NBPF11: variants seen among roughly 807,000 people sequenced by gnomAD.
The protein encoded by NBPF11 is NBPF family member NBPF11.
In NBPF11, 72 loss-of-function variants were observed where a neutral mutation model predicts 93.9. The observed-to-expected ratio is 0.77, with a 90% confidence interval of 0.63 to 0.93. The LOEUF is 0.93. Among genes scored for constraint, NBPF11 ranks in the 40% least tolerant of loss-of-function variants. The pLI is 0.00. For missense variants in NBPF11, 705 were observed against 802.2 expected (o/e 0.88, Z 1.46); for synonymous variants, 224 against 304.9 (o/e 0.73, Z 2.76).
At chr1:148,150,734 T>C (rs1210718698) in intron 1 of NBPF11, among the ~76,000 whole-genome samples, 29 of 150,906 alleles carry the variant, frequency 1.9e-4, no homozygotes, top group Admixed American at 1.9e-3. Context: ...AAGGCTTTTT[T>C]TTTTTTTTTT....
chr1:148,103,775 T>C lies in NBPF11; in HGVS notation c.*121A>G. 6 of 1,611,776 alleles carry C rather than the reference T, an allele frequency of 3.7e-6. No individual in the cohort carries two copies. In the East Asian group the frequency reaches 6.7e-5, roughly 18 times the overall value. On this transcript the variant is annotated 3_prime_UTR_variant, in exon 24 of 24. Transcript: ENST00000682118. The stretch of plus-strand genomic sequence containing the variant: ...AAGGGCAAAGCTGATGTGCTGTTCC[T>C]CAAATGAGTAAAACACACTTCTGTA...
chr1:148,135,938 G>T (rs1558160989), intron 3 of NBPF11, 125 bp from the exon 4 acceptor site: 1 of 695,844 alleles, frequency 1.4e-6, no homozygotes, highest in South Asian at 1.6e-5. Context: ...GCTCATACTG[G>T]TCACAGGATT....
intron 2 of NBPF11, among the ~76,000 whole-genome samples, chr1:148,138,736 G>A (rs1239875463): frequency 3.7e-4 from 56 of 151,640 alleles, no homozygotes; most frequent in African/African-American, 1.3e-3. Context: ...AGAACAAAAT[G>A]GAGTCTCTTA....
intron 9 of NBPF11, among the ~76,000 whole-genome samples, chr1:148,121,093 G>A (rs1241635784): frequency 1.3e-5 from 2 of 151,700 alleles, no homozygotes; most frequent in African/African-American, 4.9e-5. Context: ...CGCGCAGGCT[G>A]CAGTGCAGAG....
chr1:148,104,398 A>G, intron 23 of NBPF11, 139 bp downstream of exon 23: 3 of 634,082 alleles, frequency 4.7e-6, no homozygotes, highest in Non-Finnish European at 8.3e-6. Flanking sequence ...CATCTACTGC[A>G]ATGAAAACCA....
intron 15 of NBPF11, 113 bp downstream of exon 15, chr1:148,114,324 T>G (rs1425847286): frequency 8.8e-6 from 6 of 680,536 alleles, no homozygotes; most frequent in Non-Finnish European, 1.6e-5. Flanking sequence ...CAGCACAATT[T>G]GTAGCTGGGT....
At chr1:148,151,228 G>A (rs1309070696) in intron 1 of NBPF11, among the ~76,000 whole-genome samples, 1 of 151,962 alleles carries the variant, frequency 6.6e-6, no homozygotes, top group African/African-American at 2.4e-5. Flanking sequence ...CTAGTCATGA[G>A]ATGATTCAGT....
intron 22 of NBPF11, among the ~76,000 whole-genome samples, chr1:148,105,148 GGCC>G (rs1663232625): frequency 1.5e-5 from 2 of 135,802 alleles, no homozygotes; most frequent in Non-Finnish European, 3.1e-5. Context: ...CCACAGGCAT[GGCC>G]TGAGACTAGG....
chr1:148,133,554 A>G (rs1351729592), intron 4 of NBPF11, among the ~76,000 whole-genome samples: 5 of 152,090 alleles, frequency 3.3e-5, no homozygotes, highest in Admixed American at 3.3e-4. Flanking sequence ...AAAAGTTTTC[A>G]ATTTTGCCAA....
chr1:148,127,188 C>T, intron 4 of NBPF11, 150 bp from the exon 5 acceptor site: 3 of 331,778 alleles, frequency 9.0e-6, no homozygotes, highest in Admixed American at 1.3e-4. Flanking sequence ...GGATCCTTCA[C>T]CACAAAAACA....
chr1:148,151,162 C>G (rs1446059241), intron 1 of NBPF11, among the ~76,000 whole-genome samples: 1 of 151,842 alleles, frequency 6.6e-6, no homozygotes, highest in Non-Finnish European at 1.5e-5. Flanking sequence ...ACTGCAAACA[C>G]CAACACCACA....
chr1:148,116,545 C>A lies in NBPF11; in HGVS notation c.1307-10G>T. 1 of 673,346 alleles carries A rather than the reference C, an allele frequency of 1.5e-6. No individual in the cohort carries two copies. Among genetic ancestry groups the A allele is most frequent in the East Asian group, 2.6e-5 (1 of 38,284 alleles). The allele number at this position is 673,346 out of a possible 1,614,324, so 41.7% of individuals were successfully genotyped here. A position where few individuals can be genotyped will look rare whatever the true frequency, so the allele number is the denominator to read the frequency against. ...TCATCGTTATCATTTTCTGTAAATA[C>A]AGAAGTGTTCATTCAGATATTTCCC... On this transcript the variant is annotated splice_polypyrimidine_tract_variant and intron_variant, in intron 12 of 23. Transcript: ENST00000682118.
chr1:148,118,029 C>A (rs1248610167), intron 11 of NBPF11, among the ~76,000 whole-genome samples: 1 of 151,916 alleles, frequency 6.6e-6, no homozygotes, highest in East Asian at 1.9e-4. Flanking sequence ...CTTCTGTAAA[C>A]AAAAGTAGGT....
At position 148,120,583 on chromosome 1, in the gene NBPF11, C is replaced by A; in HGVS notation, c.906G>T (p.Lys302Asn). The change falls in exon 10 of 24, where the codon AAG becomes AAT. Residue 302 changes from lysine (K) to asparagine (N), a missense_variant. By Grantham distance (94) the Lys-to-Asn change is moderately conservative. Transcript: ENST00000682118. ...NEKLCPQLAE[K>N]KQQFRSLKEK... ...CTTTGAGGCTTCTGAACTGCTGTTTCTTCTCTGCCAGCTGGGGGCACAATT... is the reference window on the plus strand; with the variant it reads ...CTTTGAGGCTTCTGAACTGCTGTTTATTCTCTGCCAGCTGGGGGCACAATT... The A allele has an allele frequency of 6.9e-7, 1 of 1,440,670 alleles. No individual in the cohort carries two copies. The highest frequency in any genetic ancestry group is 9.8e-7 in the Non-Finnish European group (1 of 1,023,014). The allele number at this position is 1,440,670 out of a possible 1,614,324, so 89.2% of individuals were successfully genotyped here. A position where few individuals can be genotyped will look rare whatever the true frequency, so the allele number is the denominator to read the frequency against.
At chr1:148,149,144 T>C in intron 1 of NBPF11, 1 of 1,586,116 alleles carries the variant, frequency 6.3e-7, no homozygotes. Context: ...CGGCTGACCC[T>C]GCTCCGGCGC....
At chr1:148,129,322 A>AT (rs1361936508) in intron 4 of NBPF11, among the ~76,000 whole-genome samples, 3 of 145,444 alleles carry the variant, frequency 2.1e-5, no homozygotes, top group South Asian at 4.3e-4. Flanking sequence ...TTATATATAT[A>AT]TTTTTTCTTT....
At chr1:148,129,142 A>C (rs1242298875) in intron 4 of NBPF11, among the ~76,000 whole-genome samples, 3 of 143,994 alleles carry the variant, frequency 2.1e-5, no homozygotes, top group African/African-American at 7.8e-5. Flanking sequence ...TTATATATAC[A>C]CATGTATATA....
rs1571406900 is a variant in NBPF11 at position 148,106,804 on chromosome 1, T to A, written c.2251+138A>T. Reference sequence around the variant, plus strand: ...GCTTCCAGCTGAGACTACAGTTTCATTACAACCTATATGCACCCATAGGTC... The same window carrying A: ...GCTTCCAGCTGAGACTACAGTTTCAATACAACCTATATGCACCCATAGGTC... On this transcript the variant is annotated intron_variant, in intron 20 of 23. Coordinates refer to ENST00000682118, the MANE Select transcript of NBPF11 (RefSeq NM_001385469.3). The A allele has an allele frequency of 8.4e-6, 6 of 710,130 alleles. No homozygotes were observed. The East Asian group carries it at 1.7e-4, about 20-fold the overall frequency. 44.0% of individuals were successfully genotyped at this position (710,130 alleles called of 1,614,324 possible).
At chr1:148,122,658 A>T in intron 8 of NBPF11, 71 bp downstream of exon 8, 1 of 1,591,864 alleles carries the variant, frequency 6.3e-7, no homozygotes, top group Non-Finnish European at 8.6e-7. Flanking sequence ...CATAGATGCC[A>T]GAGAGGGCGT....
Sources: gnomAD v4.1 joint callset for allele counts (sites outside exome capture counted in the v4.1 genomes callset) on GRCh38, gnomAD v4.1.1 for gene constraint, MANE v1.5 for transcripts, NCBI Gene and HGNC (gene_info 2026-07-23, HGNC 2026-07-21) for gene names.